Variants in EPHA6 observed in about 807,000 individuals in gnomAD.
The protein encoded by EPHA6 is ephrin type-A receptor 6.
In EPHA6, 50 loss-of-function variants were observed where a neutral mutation model predicts 112.0. The ratio of observed to expected loss-of-function variants is 0.45; its 90% confidence interval spans 0.36 to 0.56. EPHA6 has a LOEUF of 0.56. Ranked by LOEUF, EPHA6 falls within the 20% of genes least tolerant of loss-of-function variation. EPHA6 has a pLI of 0.00. For missense variants in EPHA6, 1,280 were observed against 1,417.4 expected, an observed-to-expected ratio of 0.90 and a Z score of 1.56; for synonymous variants, 529 against 490.7, an observed-to-expected ratio of 1.08 and a Z score of -1.03.
At chr3:97,451,482 T>G (rs2090528666) in intron 7 of EPHA6, among the ~76,000 whole-genome samples, 4 of 151,432 alleles carry the variant, frequency 2.6e-5, no homozygotes, top group Non-Finnish European at 5.9e-5. Flanking sequence ...AGAGATAAAA[T>G]GTCTGAGAAG....
chr3:97,746,604 T>G (rs538039294), intron 16 of EPHA6, among the ~76,000 whole-genome samples: 19 of 151,920 alleles, frequency 1.3e-4, no homozygotes, highest in African/African-American at 4.6e-4. Context: ...AATATGTGTA[T>G]GTAATGTATA....
chr3:97,467,314 A>G (rs1560040132), intron 7 of EPHA6, among the ~76,000 whole-genome samples: 1 of 151,708 alleles, frequency 6.6e-6, no homozygotes, highest in East Asian at 1.9e-4. Flanking sequence ...TATTTTTTCT[A>G]TGAAAAATAG....
chr3:97,077,479 C>A (rs186672176), intron 3 of EPHA6, among the ~76,000 whole-genome samples: 3 of 152,074 alleles, frequency 2.0e-5, no homozygotes, highest in Admixed American at 2.0e-4. Flanking sequence ...CATGCTGGCC[C>A]GCTGTACCCA....
chr3:97,414,128 T>C (rs1281237303), intron 6 of EPHA6, among the ~76,000 whole-genome samples: 1 of 152,084 alleles, frequency 6.6e-6, no homozygotes, highest in Non-Finnish European at 1.5e-5. Flanking sequence ...AAAATCTTAA[T>C]AAGAAAATCT....
chr3:96,848,786 A>C (rs1292429857), intron 1 of EPHA6, among the ~76,000 whole-genome samples: 2 of 152,128 alleles, frequency 1.3e-5, no homozygotes, highest in African/African-American at 4.8e-5. Context: ...TTTTCATTCC[A>C]GACTAGAGTT....
At chr3:97,281,201 ATGTGTGTGTGTGTGTGTGTGTGTGTG>A (rs10547257) in intron 5 of EPHA6, among the ~76,000 whole-genome samples, 1 of 140,506 alleles carries the variant, frequency 7.1e-6, no homozygotes. Flanking sequence ...CAAAGAGTCT[ATGTGTGTGTGTGTGTGTGTGTGTGTG>A]TGCGCGCGTG....
At chr3:96,941,928 C>T (rs114898059) in intron 2 of EPHA6, among the ~76,000 whole-genome samples, 2,226 of 151,482 alleles carry the variant, frequency 0.015, 56 homozygotes, top group African/African-American at 0.045. Context: ...TGTAGAACAG[C>T]GGATTTTCAT....
intron 5 of EPHA6, among the ~76,000 whole-genome samples, chr3:97,316,222 A>G (rs977817347): frequency 6.6e-6 from 1 of 151,894 alleles, no homozygotes; most frequent in Admixed American, 6.6e-5. Context: ...ACCAAAACAG[A>G]CAGATCAAGA....
chr3:97,202,171 C>A (rs1162419168), intron 3 of EPHA6, among the ~76,000 whole-genome samples: 2 of 151,856 alleles, frequency 1.3e-5, no homozygotes, highest in African/African-American at 4.8e-5. Context: ...CTCTTCATAC[C>A]AGAAACTCCT....
chr3:97,206,719 T>G (rs369624349), intron 3 of EPHA6, among the ~76,000 whole-genome samples: 2 of 152,106 alleles, frequency 1.3e-5, no homozygotes, highest in African/African-American at 4.8e-5. Flanking sequence ...AGGTTTATAC[T>G]CATTATCTCT....
At chr3:97,652,104 A>G (rs752689324) in intron 14 of EPHA6, among the ~76,000 whole-genome samples, 26 of 152,082 alleles carry the variant, frequency 1.7e-4, no homozygotes, top group Admixed American at 2.6e-4. Flanking sequence ...CTGACATTAA[A>G]TCTAGAGTTT....
chr3:96,851,620 A>T (rs78784824), intron 1 of EPHA6, among the ~76,000 whole-genome samples: 2,795 of 152,186 alleles, frequency 0.018, 74 homozygotes, highest in African/African-American at 0.051. Context: ...GTTTAAGGAG[A>T]CCCGTTAAAC....
chr3:97,469,569 A>G (rs1457427355), intron 7 of EPHA6, among the ~76,000 whole-genome samples: 1 of 151,708 alleles, frequency 6.6e-6, no homozygotes, highest in Non-Finnish European at 1.5e-5. Context: ...AACTAAGAAA[A>G]TACAGTGGGA....
At chr3:97,616,240 G>A (rs552825372) in intron 13 of EPHA6, among the ~76,000 whole-genome samples, 41 of 152,026 alleles carry the variant, frequency 2.7e-4, no homozygotes, top group East Asian at 1.2e-3. Context: ...AAAAGTGGCC[G>A]GACCATTAAA....
At chr3:97,681,324 C>A (rs2031844865) in intron 14 of EPHA6, among the ~76,000 whole-genome samples, 3 of 152,028 alleles carry the variant, frequency 2.0e-5, no homozygotes. Flanking sequence ...GGCAGTATCT[C>A]AAATTTTCAA....
chr3:97,101,240 T>C (rs77027097), intron 3 of EPHA6, among the ~76,000 whole-genome samples: 3,073 of 152,100 alleles, frequency 0.02, 98 homozygotes, highest in African/African-American at 0.068. Flanking sequence ...ATATTAGAAG[T>C]GAGCTTTGCA....
chr3:97,580,654 C>T (rs139847133), intron 11 of EPHA6, among the ~76,000 whole-genome samples: 2 of 152,258 alleles, frequency 1.3e-5, no homozygotes, highest in African/African-American at 4.8e-5. Flanking sequence ...TCCAGGCAGT[C>T]TCAACATGCC....
rs1475588435 is a variant in EPHA6, at chr3:97,298,247, A to G, written c.1606+53960A>G. On this transcript the variant is annotated intron_variant, in intron 5 of 17. Coordinates refer to ENST00000389672, the MANE Select transcript of EPHA6 (RefSeq NM_001080448.3). The stretch of plus-strand genomic sequence containing the variant: ...TATTTTCCCCAGAATGGGAATTTCA[A>G]ACCTAGAGATGAGTGAGTTTCAATA... Among the ~76,000 whole-genome samples the G allele has an allele frequency of 2.0e-5, 3 of 152,210 alleles. No individual in the cohort carries two copies. In the East Asian group the frequency reaches 5.8e-4, roughly 29 times the overall value.
At chr3:97,740,579 A>G (rs1329493747) in intron 16 of EPHA6, among the ~76,000 whole-genome samples, 1 of 152,146 alleles carries the variant, frequency 6.6e-6, no homozygotes, top group Non-Finnish European at 1.5e-5. Context: ...CTATCTTGTA[A>G]CTTTAAAGCA....
Sources: gnomAD v4.1 joint callset for allele counts (sites outside exome capture counted in the v4.1 genomes callset) on GRCh38, gnomAD v4.1.1 for gene constraint, MANE v1.5 for transcripts, NCBI Gene and HGNC (gene_info 2026-07-23, HGNC 2026-07-21) for gene names.